Variants in DCDC2 observed in about 807,000 individuals in gnomAD.
The protein encoded by DCDC2 is doublecortin domain-containing protein 2.
DCDC2 carries 40 observed loss-of-function variants against 50.2 expected under a neutral mutation model. The ratio of observed to expected loss-of-function variants is 0.80; its 90% CI spans 0.62 to 1.04. The LOEUF (loss-of-function observed/expected upper bound fraction) is 1.04. Ranked by LOEUF, DCDC2 falls within the 50% of genes least tolerant of loss-of-function variation. The pLI is 0.00. For synonymous variants in DCDC2, 234 were observed against 210.6 expected, an observed-to-expected ratio of 1.11 and a Z score of -0.96; for missense variants, 570 against 581.9, an observed-to-expected ratio of 0.98 and a Z score of 0.21.
At position 24,349,221 on chromosome 6, in the gene DCDC2, ACTAAATGG is replaced by A. The variant is rs369908870; in HGVS notation, c.348+4340_348+4347del. On this transcript the variant is annotated intron_variant, in intron 2 of 9. Transcript: ENST00000378454. ...ACATGATAAAGCCAGAAGCACTTGAACTAAATGGCTCAATGCAAACTATATTTACTAAA... is the reference window on the plus strand; with the variant it reads ...ACATGATAAAGCCAGAAGCACTTGAACTCAATGCAAACTATATTTACTAAA... Among the ~76,000 whole-genome samples the A allele has an allele frequency of 4.5e-3, 679 of 152,340 alleles. 3 individuals carry two copies. The highest frequency in any genetic ancestry group is 0.015 in the African/African-American group (640 of 41,574).
intron 7 of DCDC2, among the ~76,000 whole-genome samples, chr6:24,212,112 A>C (rs999456633): frequency 6.6e-6 from 1 of 152,142 alleles, no homozygotes; most frequent in Admixed American, 6.5e-5. Context: ...TGAACTGCAC[A>C]TGCAAGGGAT....
Position 24,310,960 on chromosome 6 carries a change from C to A in DCDC2, c.349-8916G>T, listed in dbSNP as rs548558610. ...GCCCAAGGCCAGGTCCTCACAAATCCTCTAGGAGCTGCACCTAGCATGGTC... is the reference window on the plus strand; with the variant it reads ...GCCCAAGGCCAGGTCCTCACAAATCATCTAGGAGCTGCACCTAGCATGGTC... On this transcript the variant is annotated intron_variant, in intron 2 of 9. Coordinates refer to ENST00000378454, the MANE Select transcript of DCDC2 (RefSeq NM_016356.5). 9.2e-5 allele frequency among the ~76,000 whole-genome samples: 14 copies of A among 152,280 alleles called. No homozygotes were observed. The South Asian group carries it at 2.7e-3, about 29-fold the overall frequency.
chr6:24,319,591 CA>C (rs1759735624), intron 2 of DCDC2, among the ~76,000 whole-genome samples: 1 of 152,030 alleles, frequency 6.6e-6, no homozygotes, highest in Non-Finnish European at 1.5e-5. Context: ...GAGATTTTCC[CA>C]AGACATTTTG....
upstream of DCDC2, chr6:24,358,260 C>T: frequency 4.6e-6 from 1 of 217,552 alleles, no homozygotes; most frequent in Non-Finnish European, 9.8e-6. Flanking sequence ...TGCTTGCTCC[C>T]AAATTAAAGC....
rs550740817 is a variant in DCDC2, at chr6:24,227,727, A to C, written c.923-22625T>G. 9.9e-4 allele frequency among the ~76,000 whole-genome samples: 151 copies of C among 152,356 alleles called. 1 individual carries two copies. The highest frequency in any genetic ancestry group is 3.0e-3 in the African/African-American group (123 of 41,592). On this transcript the variant is annotated intron_variant, in intron 7 of 9. Coordinates refer to ENST00000378454, the MANE Select transcript of DCDC2 (RefSeq NM_016356.5). Reference sequence around the variant, plus strand: ...GAATCCACCTGCTGGTTTTGCTAGCAGCACATGATGCAAACAACAACCGTC... The same window carrying C: ...GAATCCACCTGCTGGTTTTGCTAGCCGCACATGATGCAAACAACAACCGTC...
At chr6:24,209,356 A>G (rs551206595) in intron 7 of DCDC2, among the ~76,000 whole-genome samples, 81 of 152,282 alleles carry the variant, frequency 5.3e-4, no homozygotes, top group Middle Eastern at 3.4e-3. Flanking sequence ...ATTATGTGCC[A>G]TGGTTGTCTA....
chr6:24,216,591 CTAA>C (rs1159772596), intron 7 of DCDC2, among the ~76,000 whole-genome samples: 1 of 152,186 alleles, frequency 6.6e-6, no homozygotes, highest in African/African-American at 2.4e-5. Flanking sequence ...TCTTGTCAAC[CTAA>C]TTCAGAGGCC....
At chr6:24,358,768 ATTT>A (rs1319956359), upstream of DCDC2, among the ~76,000 whole-genome samples, 59 of 93,292 alleles carry the variant, frequency 6.3e-4, 2 homozygotes, top group Admixed American at 2.3e-3. Context: ...TATATTATAT[ATTT>A]TTATATATAA....
chr6:24,262,370 A>G (rs940392836), intron 7 of DCDC2, among the ~76,000 whole-genome samples: 2 of 152,244 alleles, frequency 1.3e-5, no homozygotes, highest in African/African-American at 4.8e-5. Flanking sequence ...ACTGAGGGCT[A>G]AAGTGCCAGA....
chr6:24,227,532 G>T (rs1339764215), intron 7 of DCDC2, among the ~76,000 whole-genome samples: 2 of 152,210 alleles, frequency 1.3e-5, no homozygotes, highest in African/African-American at 4.8e-5. Context: ...AGCACCCTGA[G>T]GGTTAATCAG....
intron 6 of DCDC2, among the ~76,000 whole-genome samples, chr6:24,282,758 A>C (rs1304474908): frequency 8.7e-6 from 1 of 115,560 alleles, no homozygotes; most frequent in Non-Finnish European, 1.6e-5. Context: ...ACCCAGAGAC[A>C]TTATAAGCTG....
chr6:24,263,125 G>A (rs946070191), intron 7 of DCDC2, among the ~76,000 whole-genome samples: 2 of 152,246 alleles, frequency 1.3e-5, no homozygotes, highest in Admixed American at 6.5e-5. Context: ...AGATCACCAA[G>A]ACAGTGCTTC....
At chr6:24,226,060 C>T (rs1762228608) in intron 7 of DCDC2, among the ~76,000 whole-genome samples, 1 of 152,166 alleles carries the variant, frequency 6.6e-6, no homozygotes, top group South Asian at 2.1e-4. Context: ...TATGTGTGAT[C>T]AGCATTATGT....
chr6:24,371,588 AGAGT>A, the DCDC2 span, among the ~76,000 whole-genome samples: 2 of 152,286 alleles, frequency 1.3e-5, no homozygotes, highest in African/African-American at 4.8e-5. Context: ...CCTGGGTGAC[AGAGT>A]GAGACCTCAT....
upstream of DCDC2, among the ~76,000 whole-genome samples, chr6:24,362,262 AT>A (rs1322669019): frequency 3.4e-5 from 5 of 148,652 alleles, no homozygotes; most frequent in East Asian, 2.0e-4. Context: ...TTATACAATT[AT>A]TTTTTATTTA....
upstream of DCDC2, among the ~76,000 whole-genome samples, chr6:24,360,044 T>A (rs906443160): frequency 2.0e-5 from 3 of 152,108 alleles, no homozygotes; most frequent in Non-Finnish European, 4.4e-5. Context: ...GGTGGCACAG[T>A]GGTGAACTCT....
chr6:24,229,657 C>G (rs947215639), intron 7 of DCDC2, among the ~76,000 whole-genome samples: 2 of 152,228 alleles, frequency 1.3e-5, no homozygotes, highest in African/African-American at 4.8e-5. Context: ...TCTGAGGGAG[C>G]TGCCCCTTCA....
chr6:24,328,548 G>A (rs894118167), intron 2 of DCDC2, among the ~76,000 whole-genome samples: 7 of 152,120 alleles, frequency 4.6e-5, no homozygotes, highest in Admixed American at 3.9e-4. Context: ...CCAAACCCAC[G>A]CCCATGGCCA....
At chr6:24,288,952 A>G in intron 5 of DCDC2, 46 bp from the exon 6 acceptor site, 1 of 1,400,898 alleles carries the variant, frequency 7.1e-7, no homozygotes, top group Non-Finnish European at 9.9e-7. Flanking sequence ...TTGTTTACAA[A>G]TAATGTACAA....
Sources: allele counts gnomAD v4.1 joint callset (sites outside exome capture counted in the v4.1 genomes callset), GRCh38; gene constraint gnomAD v4.1.1; transcripts MANE v1.5; gene names NCBI Gene and HGNC (gene_info 2026-07-23, HGNC 2026-07-21).